MTMR10: variants seen among roughly 807,000 people sequenced by gnomAD.
MTMR10 encodes myotubularin related protein 10, also known as myotubularin-related protein 10.
In MTMR10, 56 loss-of-function variants were observed where a neutral mutation model predicts 88.1. That is an observed-to-expected ratio of 0.64 (90% CI 0.51 to 0.79). The LOEUF is 0.79. MTMR10 is among the 30% of genes least tolerant of loss of function. The pLI is 0.00. For synonymous variants in MTMR10, 380 were observed against 340.9 expected, an observed-to-expected ratio of 1.11 and a Z score of -1.26; for missense variants, 883 against 924.7, an observed-to-expected ratio of 0.95 and a Z score of 0.58.
chr15:30,929,944 AATATAAT>A, the MTMR10 span, among the ~76,000 whole-genome samples: 3 of 107,818 alleles, frequency 2.8e-5, no homozygotes, highest in African/African-American at 1.5e-4. Flanking sequence ...TAAAATATAT[AATATAAT>A]ATATATCATA....
At chr15:30,929,578 A>G in the MTMR10 span, among the ~76,000 whole-genome samples, 2 of 126,020 alleles carry the variant, frequency 1.6e-5, no homozygotes, top group Non-Finnish European at 3.3e-5. Context: ...TATTATATTT[A>G]TTATATTATA....
rs770877757 is a variant in MTMR10 at position 30,974,348 on chromosome 15, C to T, written c.440G>A (p.Arg147His). ...ACTTTCGGGACCTGATTCATCAAAG[C>T]GAAATCTGACAATTCTGAAATCTTT... is the stretch of plus-strand genomic sequence containing the variant. ...YCKDFRIVRF[R>H]FDESGPESAK... is the part of the protein sequence containing the mutation. The change falls in exon 5 of 16, where the codon CGC becomes CAC. Residue 147 changes from arginine to histidine, a missense_variant. Arg to His is a conservative substitution (Grantham distance 29). Transcript: ENST00000435680. The T allele has an allele frequency of 1.1e-5, 17 of 1,603,688 alleles. No individual in the cohort carries two copies. Among genetic ancestry groups the T allele is most frequent in the Middle Eastern group, 3.3e-4 (2 of 6,038 alleles).
In MTMR10 at chr15:30,941,108, T is replaced by C; in HGVS notation, c.*362A>G. The C allele has an allele frequency of 8.1e-7, 1 of 1,239,574 alleles. No homozygotes were observed. The highest frequency in any genetic ancestry group is 1.6e-5 in the African/African-American group (1 of 63,588). 76.8% of individuals were successfully genotyped at this position (1,239,574 alleles called of 1,614,324 possible). A position where few individuals can be genotyped will look rare whatever the true frequency, so the allele number is the denominator to read the frequency against. ...TCCTAAAAATGACACGAAACACAAA[T>C]TTCCTAACTTTCCTGTTGTCTGCTG... On this transcript the variant is annotated 3_prime_UTR_variant, in exon 16 of 16. Transcript: ENST00000435680.
the MTMR10 span, chr15:30,922,432 TAA>T: frequency 7.3e-7 from 1 of 1,370,320 alleles, no homozygotes. Flanking sequence ...CTTAATGCCT[TAA>T]AATTTACATG....
chr15:30,922,092 G>A, the MTMR10 span: 1 of 1,046,834 alleles, frequency 9.6e-7, no homozygotes, highest in Non-Finnish European at 1.4e-6. Flanking sequence ...TCCCTGTCCT[G>A]TCAGTTCGGG....
intron 5 of MTMR10, among the ~76,000 whole-genome samples, chr15:30,971,204 A>G (rs1340113634): frequency 6.6e-6 from 1 of 152,188 alleles, no homozygotes; most frequent in Non-Finnish European, 1.5e-5. Flanking sequence ...TGGCTACCAC[A>G]GGAAATGAAG....
the MTMR10 span, chr15:30,930,551 C>T: frequency 3.1e-6 from 5 of 1,595,904 alleles, no homozygotes; most frequent in East Asian, 2.2e-5. Flanking sequence ...AGGATCTTGT[C>T]TCCTGCCTGG....
chr15:30,919,566 C>T, the MTMR10 span, among the ~76,000 whole-genome samples: 11 of 150,962 alleles, frequency 7.3e-5, no homozygotes, highest in East Asian at 2.0e-4. Context: ...TGACGAGTGT[C>T]TGTAATCCCA....
At position 30,961,963 on chromosome 15, in the gene MTMR10, C is replaced by T. The variant is rs148819396; in HGVS notation, c.566-890G>A. Among the ~76,000 whole-genome samples, 499 of 152,300 alleles carry T rather than the reference C, an allele frequency of 3.3e-3. 2 individuals are homozygous for T. The highest frequency in any genetic ancestry group is 0.011 in the African/African-American group (459 of 41,570). On this transcript the variant is annotated intron_variant, in intron 6 of 15. Coordinates refer to ENST00000435680, the MANE Select transcript of MTMR10 (RefSeq NM_017762.3). Reference sequence around the variant, plus strand: ...GAAACATCCAACAATCATCTCTGTCCTCAAGCCCTTCAAATCTTTAATTTT... The same window carrying T: ...GAAACATCCAACAATCATCTCTGTCTTCAAGCCCTTCAAATCTTTAATTTT...
At chr15:30,964,537 T>C (rs1174852212) in intron 6 of MTMR10, among the ~76,000 whole-genome samples, 2 of 152,262 alleles carry the variant, frequency 1.3e-5, no homozygotes, top group East Asian at 1.9e-4. Context: ...ATATGTTCTA[T>C]ATCATCTTCA....
chr15:30,931,921 G>GA, the MTMR10 span, among the ~76,000 whole-genome samples: 33,855 of 147,322 alleles, frequency 0.23, 4,761 homozygotes, highest in African/African-American at 0.41. Context: ...AAGTTTCCAA[G>GA]AAAAAAAAAA....
chr15:30,974,345 A>T lies in MTMR10; in HGVS notation c.443T>A (p.Phe148Tyr), dbSNP rs2029946151. 6.2e-7 allele frequency: 1 copy of T among 1,604,132 alleles called. No individual in the cohort carries two copies. The highest frequency in any genetic ancestry group is 8.5e-7 in the Non-Finnish European group (1 of 1,174,126). Reference protein sequence around the residue: ...CKDFRIVRFRFDESGPESAKK... With the variant: ...CKDFRIVRFRYDESGPESAKK... ...AGCACTTTCGGGACCTGATTCATCA[A>T]AGCGAAATCTGACAATTCTGAAATC... Residue 148 changes from phenylalanine (F) to tyrosine (Y), a missense_variant, in exon 5 of 16, where the codon TTT (phenylalanine) becomes TAT (tyrosine). Phe to Tyr is a conservative substitution (Grantham distance 22, BLOSUM62 3). Transcript: ENST00000435680.
intron 10 of MTMR10, among the ~76,000 whole-genome samples, 168 bp from the exon 11 acceptor site, chr15:30,953,799 G>T (rs2141010278): frequency 6.6e-6 from 1 of 152,280 alleles, no homozygotes; most frequent in East Asian, 1.9e-4. Flanking sequence ...TTACAATTCT[G>T]TAACAAAGCA....
the MTMR10 span, among the ~76,000 whole-genome samples, chr15:30,933,401 C>A: frequency 6.6e-6 from 1 of 152,204 alleles, no homozygotes; most frequent in Non-Finnish European, 1.5e-5. Flanking sequence ...AGAAGTGAGT[C>A]ATTTACATTT....
chr15:30,947,784 TGA>T (rs769753325), intron 13 of MTMR10, among the ~76,000 whole-genome samples: 6 of 152,154 alleles, frequency 3.9e-5, no homozygotes, highest in Admixed American at 2.0e-4. Flanking sequence ...CTATTTTTTA[TGA>T]GACACCACAA....
intron 6 of MTMR10, among the ~76,000 whole-genome samples, chr15:30,963,260 GC>G (rs1165651354): frequency 6.6e-6 from 1 of 152,110 alleles, no homozygotes; most frequent in Non-Finnish European, 1.5e-5. Context: ...TTACGGAGGG[GC>G]TATGTTAGGA....
intron 12 of MTMR10, among the ~76,000 whole-genome samples, chr15:30,950,537 G>C (rs796685287): frequency 6.6e-6 from 1 of 152,102 alleles, no homozygotes; most frequent in East Asian, 1.9e-4. Context: ...GGGCGTGGTG[G>C]TGCATGCTTG....
chr15:30,927,011 AC>A, the MTMR10 span: 2 of 985,390 alleles, frequency 2.0e-6, no homozygotes, highest in East Asian at 2.3e-4. Flanking sequence ...AGCATGGACC[AC>A]TTAGGAGTTA....
At chr15:30,974,899 G>A (rs1286181063) in intron 4 of MTMR10, 32 bp downstream of exon 4, 13 of 1,337,108 alleles carry the variant, frequency 9.7e-6, no homozygotes, top group African/African-American at 1.5e-5. Flanking sequence ...GAGTGGAATT[G>A]ACTTTTAGAG....
Sources: allele counts gnomAD v4.1 joint callset (sites outside exome capture counted in the v4.1 genomes callset), GRCh38; gene constraint gnomAD v4.1.1; transcripts MANE v1.5; gene names NCBI Gene and HGNC (gene_info 2026-07-23, HGNC 2026-07-21).